BTRC: variants seen among roughly 807,000 people sequenced by gnomAD.
The protein encoded by BTRC is F-box/WD repeat-containing protein 1A.
BTRC carries 42 observed loss-of-function variants against 85.5 expected under a neutral mutation model. That is an observed-to-expected ratio of 0.49 (90% CI 0.38 to 0.64). The LOEUF (loss-of-function observed/expected upper bound fraction) is 0.64. BTRC is among the 30% of genes least tolerant of loss of function. The pLI is 0.00. For missense variants in BTRC, 594 were observed against 743.5 expected (o/e 0.80, Z 2.34); for synonymous variants, 255 against 263.3 (o/e 0.97, Z 0.30).
chr10:101,370,522 G>C (rs975939368), intron 1 of BTRC, among the ~76,000 whole-genome samples: 2 of 152,112 alleles, frequency 1.3e-5, no homozygotes, highest in African/African-American at 4.8e-5. Flanking sequence ...GTTTATTGTA[G>C]TCAAAATGTA....
At chr10:101,377,057 C>CA (rs1590219097) in intron 1 of BTRC, among the ~76,000 whole-genome samples, 2 of 152,210 alleles carry the variant, frequency 1.3e-5, no homozygotes, top group Admixed American at 6.5e-5. Flanking sequence ...CACTCCCCCG[C>CA]AAAAAACTCT....
intron 2 of BTRC, chr10:101,453,399 C>A (rs1295815666): frequency 6.6e-6 from 1 of 152,152 alleles, no homozygotes; most frequent in Non-Finnish European, 1.5e-5. Context: ...TCCTTCAAAT[C>A]CTCCAATGGT....
rs374130248 is a variant in BTRC, at chr10:101,432,771, G to A, written c.156+2319G>A. ...GAAGAGACACATAGGGCAGAATCTCGGAAGGATCCAATTGTAGAACTTCCT... is the reference window on the plus strand; with the variant it reads ...GAAGAGACACATAGGGCAGAATCTCAGAAGGATCCAATTGTAGAACTTCCT... On this transcript the variant is annotated intron_variant, in intron 2 of 14. Transcript: ENST00000370187. 4.6e-5 allele frequency among the ~76,000 whole-genome samples: 7 copies of A among 152,130 alleles called. No homozygotes were observed. In the East Asian group the frequency reaches 9.6e-4, roughly 21 times the overall value.
At chr10:101,537,027 G>A (rs2062396880) in intron 12 of BTRC, among the ~76,000 whole-genome samples, 1 of 152,222 alleles carries the variant, frequency 6.6e-6, no homozygotes, top group Non-Finnish European at 1.5e-5. Flanking sequence ...GGGACTTAGT[G>A]TGGTAAGATC....
rs144321869 is a variant in BTRC at position 101,411,607 on chromosome 10, A to G, written c.49-18738A>G. The stretch of plus-strand genomic sequence containing the variant: ...ATGAAATTATCATTTCAAACATTGT[A>G]TTTTTCATTCTGGAACTTTTTATTT... On this transcript the variant is annotated intron_variant, in intron 1 of 14. Coordinates refer to ENST00000370187, the MANE Select transcript of BTRC (RefSeq NM_033637.4). 4.4e-4 allele frequency among the ~76,000 whole-genome samples: 67 copies of G among 152,072 alleles called. 2 individuals carry two copies. The East Asian group carries it at 0.012, about 27-fold the overall frequency.
chr10:101,379,358 T>C (rs1245061932), intron 1 of BTRC, among the ~76,000 whole-genome samples: 1 of 152,228 alleles, frequency 6.6e-6, no homozygotes, highest in Admixed American at 6.5e-5. Flanking sequence ...CTCTTAAATG[T>C]GTTCTACTAA....
At chr10:101,396,984 A>G (rs1333184844) in intron 1 of BTRC, among the ~76,000 whole-genome samples, 4 of 152,036 alleles carry the variant, frequency 2.6e-5, no homozygotes, top group Admixed American at 2.6e-4. Flanking sequence ...TGGTATTTTT[A>G]GTAGAGACGA....
intron 1 of BTRC, among the ~76,000 whole-genome samples, chr10:101,390,825 C>T (rs1429349154): frequency 6.6e-6 from 1 of 152,132 alleles, no homozygotes; most frequent in African/African-American, 2.4e-5. Context: ...CTGTCCAGCA[C>T]TCTCTTCTTT....
chr10:101,530,891 C>T (rs564211642), intron 6 of BTRC, among the ~76,000 whole-genome samples: 3 of 152,264 alleles, frequency 2.0e-5, no homozygotes, highest in East Asian at 1.9e-4. Context: ...TATATAATGT[C>T]GGCCGGGTGT....
chr10:101,389,115 G>GGTTTTT (rs1943160776), intron 1 of BTRC, among the ~76,000 whole-genome samples: 1 of 35,462 alleles, frequency 2.8e-5, no homozygotes, highest in Non-Finnish European at 4.9e-5. Context: ...GATTTTTTGT[G>GGTTTTT]TGTGTTTTTT....
At chr10:101,542,760 A>C (rs1242109369) in intron 13 of BTRC, among the ~76,000 whole-genome samples, 1 of 151,814 alleles carries the variant, frequency 6.6e-6, no homozygotes, top group African/African-American at 2.4e-5. Flanking sequence ...TTTTTTTTAG[A>C]GATGGGGTTT....
rs1345574625 is a variant in BTRC, at chr10:101,534,737, A to G, written c.1174A>G (p.Asn392Asp). ...HCEAVLHLRF[N>D]NGMMVTCSKD... ...TGAAGCAGTTCTGCACTTGCGTTTCAATAATGGCATGATGGTGACCTGCTC... is the reference window on the plus strand; with the variant it reads ...TGAAGCAGTTCTGCACTTGCGTTTCGATAATGGCATGATGGTGACCTGCTC... Residue 392 changes from asparagine (N) to aspartate (D), a missense_variant, in exon 10 of 15, where the codon AAT (asparagine) becomes GAT (aspartate). Asn to Asp is a conservative substitution (Grantham distance 23). Transcript: ENST00000370187. 6.2e-7 allele frequency: 1 copy of G among 1,614,224 alleles called. No individual in the cohort carries two copies. Among genetic ancestry groups the G allele is most frequent in the East Asian group, 2.2e-5 (1 of 44,878 alleles).
intron 4 of BTRC, among the ~76,000 whole-genome samples, chr10:101,486,529 A>G (rs1204598502): frequency 6.6e-6 from 1 of 152,150 alleles, no homozygotes; most frequent in African/African-American, 2.4e-5. Flanking sequence ...TAGTGTAGAA[A>G]GAAAACAGGA....
chr10:101,540,344 A>G (rs1203932202), intron 13 of BTRC, among the ~76,000 whole-genome samples: 1 of 150,850 alleles, frequency 6.6e-6, no homozygotes, highest in Non-Finnish European at 1.5e-5. Context: ...TTTACACATG[A>G]ATATCCAGTT....
At chr10:101,470,386 G>T (rs1386771303) in intron 3 of BTRC, among the ~76,000 whole-genome samples, 1 of 142,946 alleles carries the variant, frequency 7.0e-6, no homozygotes, top group Non-Finnish European at 1.5e-5. Context: ...AGGCTGGAGT[G>T]CAGTGACACA....
rs1301075250 is a variant in BTRC, at chr10:101,362,595, ATG to A, written c.48+8369_48+8370del. Among the ~76,000 whole-genome samples, 3 of 150,962 alleles carry A rather than the reference ATG, an allele frequency of 2.0e-5. No individual in the cohort carries two copies. The East Asian group carries it at 6.0e-4, about 30-fold the overall frequency. ...TTTTTAGTAGAGACGGAGTTTTTCC[ATG>A]TTGGTCAGGCTGGTCTTGAACTCCC... On this transcript the variant is annotated intron_variant, in intron 1 of 14. Transcript: ENST00000370187.
rs1554862098 is a variant in BTRC, at chr10:101,366,830, T to TA, written c.48+12602_48+12603insA. On this transcript the variant is annotated intron_variant, in intron 1 of 14. Coordinates refer to ENST00000370187, the MANE Select transcript of BTRC (RefSeq NM_033637.4). ...TATATTTATATATATTAATATATAT[T>TA]TATATATATTTATGTATATTAATAT... Among the ~76,000 whole-genome samples, 418 of 45,072 alleles carry TA rather than the reference T, an allele frequency of 9.3e-3. 30 individuals are homozygous for TA. Among genetic ancestry groups the TA allele is most frequent in the East Asian group, 0.081 (172 of 2,120 alleles). The allele number at this position is 45,072 out of a possible 152,430, so 29.6% of individuals were successfully genotyped here.
chr10:101,383,880 T>A (rs998338594), intron 1 of BTRC, among the ~76,000 whole-genome samples: 4 of 152,192 alleles, frequency 2.6e-5, no homozygotes, highest in Non-Finnish European at 5.9e-5. Flanking sequence ...TTTATCTATT[T>A]ATTTATTTAT....
intron 1 of BTRC, among the ~76,000 whole-genome samples, chr10:101,406,860 A>C (rs1274374203): frequency 2.0e-5 from 3 of 152,092 alleles, no homozygotes; most frequent in African/African-American, 7.2e-5. Flanking sequence ...TGTTTTTATG[A>C]TACAGCTTCT....
Sources: gnomAD v4.1 joint callset for allele counts (sites outside exome capture counted in the v4.1 genomes callset) on GRCh38, gnomAD v4.1.1 for gene constraint, MANE v1.5 for transcripts, NCBI Gene and HGNC (gene_info 2026-07-23, HGNC 2026-07-21) for gene names.